DNAJC17: variants seen among roughly 807,000 people sequenced by gnomAD.
DNAJC17 encodes the protein dnaJ homolog subfamily C member 17.
In DNAJC17, 35 loss-of-function variants were observed where a neutral mutation model predicts 48.1. That is an observed-to-expected ratio of 0.73 (90% CI 0.56 to 0.96). DNAJC17 has a LOEUF of 0.96. DNAJC17 is among the 50% of genes least tolerant of loss of function. DNAJC17 has a pLI of 0.00. For synonymous variants in DNAJC17, 117 were observed against 142.7 expected (o/e 0.82, Z 1.28); for missense variants, 355 against 377.1 (o/e 0.94, Z 0.48).
At chr15:40,804,681 C>T (rs1890156088) in intron 1 of DNAJC17, among the ~76,000 whole-genome samples, 1 of 152,190 alleles carries the variant, frequency 6.6e-6, no homozygotes, top group Admixed American at 6.5e-5. Context: ...CTGACTTCCT[C>T]AGGAGTTCTC....
At position 40,807,436 on chromosome 15, in the gene DNAJC17, G is replaced by A; in HGVS notation, c.11C>T (p.Thr4Ile). The part of the protein sequence containing the change: MAV[T>I]KELLQMDLYA... ...CAGGTCCATCTGTAAGAGCTCCTTG[G>A]TCACTGCCATGGTTCCGGCCTGACG... Residue 4 changes from threonine (T) to isoleucine (I), a missense_variant, in exon 1 of 11, where the codon ACC becomes ATC. By Grantham distance (89) the Thr-to-Ile change is moderately conservative. Around this residue, in one of 3 missense-constraint regions of DNAJC17, gnomAD observed 199 missense variants for 199.9 expected, o/e 1.00. Coordinates refer to ENST00000220496, the MANE Select transcript of DNAJC17 (RefSeq NM_018163.3). 3 of 1,614,230 alleles carry A rather than the reference G, an allele frequency of 1.9e-6. No individual in the cohort carries two copies. Among genetic ancestry groups the A allele is most frequent in the Non-Finnish European group, 2.5e-6 (3 of 1,180,030 alleles).
intron 3 of DNAJC17, 116 bp downstream of exon 3, chr15:40,779,429 C>T: frequency 6.4e-7 from 1 of 1,561,390 alleles, no homozygotes; most frequent in Non-Finnish European, 8.8e-7. Context: ...GACTGGGTCT[C>T]CTGGGCTTAG....
intron 8 of DNAJC17, 117 bp downstream of exon 8, chr15:40,774,913 GA>G: frequency 9.0e-5 from 96 of 1,065,922 alleles, no homozygotes; most frequent in Middle Eastern, 2.0e-4. Context: ...CTATGAGACA[GA>G]AAAAAAAAGC....
rs1216681085 is a variant in DNAJC17 at position 40,766,511 on chromosome 15, G to A, written c.*1429C>T. 6.6e-6 allele frequency: 1 copy of A among 152,298 alleles called. No homozygotes were observed. Among genetic ancestry groups the A allele is most frequent in the Admixed American group, 6.5e-5 (1 of 15,286 alleles). The allele number at this position is 152,298 out of a possible 1,614,324, so 9.4% of individuals were successfully genotyped here. A position where few individuals can be genotyped will look rare whatever the true frequency, so the allele number is the denominator to read the frequency against. ...CAGAGTGAGTGCCAGTTCAAATCGGGGAAAGAGGAGGGCTGATCCCAGCCC... is the reference window on the plus strand; with the variant it reads ...CAGAGTGAGTGCCAGTTCAAATCGGAGAAAGAGGAGGGCTGATCCCAGCCC... On this transcript the variant is annotated 3_prime_UTR_variant, in exon 11 of 11. Coordinates refer to ENST00000220496, the MANE Select transcript of DNAJC17 (RefSeq NM_018163.3).
intron 1 of DNAJC17, among the ~76,000 whole-genome samples, chr15:40,789,903 CAAAAAAAAAAAAAAAAA>C (rs71428311): frequency 1.5e-4 from 3 of 20,018 alleles, no homozygotes; most frequent in South Asian, 3.6e-3. Flanking sequence ...CAGACTGTCT[CAAAAAAAAAAAAAAAAA>C]AAAAAAAAAA....
chr15:40,771,299 ATGCCGGGAAAGGGAGGCTG>A (rs71786584), intron 10 of DNAJC17: 13,302 of 489,044 alleles, frequency 0.027, 501 homozygotes, highest in African/African-American at 0.11. Context: ...AAAGCTGGCT[ATGCCGGGAAAGGGAGGCTG>A]TGCCGGGAAA....
intron 2 of DNAJC17, 24 bp downstream of exon 2, chr15:40,779,904 C>G (rs757047104): frequency 1.9e-6 from 3 of 1,611,350 alleles, no homozygotes; most frequent in Non-Finnish European, 1.7e-6. Flanking sequence ...TTTCTTTCTC[C>G]CCACGCCCTG....
intron 1 of DNAJC17, among the ~76,000 whole-genome samples, chr15:40,797,160 G>A (rs71472454): frequency 6.6e-6 from 1 of 152,204 alleles, no homozygotes; most frequent in Middle Eastern, 3.4e-3. Context: ...ACTTCAGGCC[G>A]GGAGTTTGAG....
intron 5 of DNAJC17, 34 bp downstream of exon 5, chr15:40,776,508 G>T: frequency 1.9e-6 from 3 of 1,611,374 alleles, no homozygotes; most frequent in Non-Finnish European, 2.5e-6. Flanking sequence ...TCCTCCTGCA[G>T]GTGGCCTTCT....
In DNAJC17 at chr15:40,767,969, G is replaced by A. The variant is rs146569262; in HGVS notation, c.886C>T (p.Gln296Ter). Residue 296 changes from glutamine to a stop codon, truncating the protein, a stop_gained, in exon 11 of 11, where the codon CAG becomes TAG. Coordinates refer to ENST00000220496, the MANE Select transcript of DNAJC17 (RefSeq NM_018163.3). LOFTEE classifies it high-confidence loss of function. The stretch of plus-strand genomic sequence containing the variant: ...GTAGGCGGCCCCTCCTGGTCTTCCT[G>A]CTGCATCCGTGCGATCAGCTGTTGC... Reference protein sequence around the residue: ...ERQQLIARMQQEDQEGPPT With the variant: ...ERQQLIARMQ 3.7e-6 allele frequency: 6 copies of A among 1,613,000 alleles called. No homozygotes were observed. Among genetic ancestry groups the A allele is most frequent in the Non-Finnish European group, 5.1e-6 (6 of 1,179,698 alleles).
At position 40,807,431 on chromosome 15, in the gene DNAJC17, C is replaced by G. The variant is rs769347740; in HGVS notation, c.16G>C (p.Glu6Gln). MAVTK[E>Q]LLQMDLYALL... ...GCGTACAGGTCCATCTGTAAGAGCT[C>G]CTTGGTCACTGCCATGGTTCCGGCC... is the stretch of plus-strand genomic sequence containing the variant. The change falls in exon 1 of 11, where the codon GAG becomes CAG. Residue 6 changes from glutamate to glutamine, a missense_variant. Glu to Gln is a conservative substitution (Grantham distance 29). Coordinates refer to ENST00000220496, the MANE Select transcript of DNAJC17 (RefSeq NM_018163.3). 4 of 1,614,278 alleles carry G rather than the reference C, an allele frequency of 2.5e-6. No individual in the cohort carries two copies. Among genetic ancestry groups the G allele is most frequent in the Non-Finnish European group, 3.4e-6 (4 of 1,180,052 alleles).
At chr15:40,783,189 T>A (rs1889549241) in intron 1 of DNAJC17, among the ~76,000 whole-genome samples, 1 of 152,224 alleles carries the variant, frequency 6.6e-6, no homozygotes, top group African/African-American at 2.4e-5. Flanking sequence ...GAACATATTT[T>A]ATATTTCAGG....
rs939466563 is a variant in DNAJC17, at chr15:40,770,746, G to A, written c.793-2684C>T. On this transcript the variant is annotated intron_variant, in intron 10 of 10. Transcript: ENST00000220496. The surrounding 1 kb of genome is among the most constrained non-coding windows in gnomAD (Gnocchi z 5.0). ...CTGCTGGCCCCACCCAAGCCCCCAC[G>A]CCTCTACCGAGAGAGCTCAAGCTGC... is the stretch of plus-strand genomic sequence containing the variant. 23 of 1,545,192 alleles carry A rather than the reference G, an allele frequency of 1.5e-5. No homozygotes were observed. The highest frequency in any genetic ancestry group is 6.9e-5 in the African/African-American group (5 of 72,986).
intron 1 of DNAJC17, among the ~76,000 whole-genome samples, chr15:40,806,391 G>T (rs983747243): frequency 2.6e-5 from 4 of 151,600 alleles, no homozygotes; most frequent in Non-Finnish European, 2.9e-5. Flanking sequence ...GCTAATTTTT[G>T]TATTTTTAGT....
chr15:40,804,099 G>A (rs146984968), intron 1 of DNAJC17, among the ~76,000 whole-genome samples: 21 of 151,654 alleles, frequency 1.4e-4, no homozygotes, highest in East Asian at 1.4e-3. Context: ...CCCATGTAGC[G>A]GGGACTACAG....
intron 1 of DNAJC17, among the ~76,000 whole-genome samples, chr15:40,783,612 C>T (rs999512577): frequency 3.3e-5 from 5 of 152,158 alleles, no homozygotes; most frequent in African/African-American, 1.2e-4. Flanking sequence ...ACCTCTAATC[C>T]CATCGCTGTG....
chr15:40,796,912 A>C (rs1407394465), intron 1 of DNAJC17, among the ~76,000 whole-genome samples: 2 of 152,128 alleles, frequency 1.3e-5, no homozygotes, highest in African/African-American at 4.8e-5. Context: ...GGCGTGCGCC[A>C]CCACAATGAG....
intron 4 of DNAJC17, among the ~76,000 whole-genome samples, chr15:40,778,541 G>A (rs941616290): frequency 6.7e-6 from 1 of 149,774 alleles, no homozygotes; most frequent in Non-Finnish European, 1.5e-5. Flanking sequence ...GTGAGCCACC[G>A]CGCCCGGCCA....
rs778956897 is a variant in DNAJC17, at chr15:40,767,984, T to A, written c.871A>T (p.Ile291Phe). 3.1e-6 allele frequency: 5 copies of A among 1,610,188 alleles called. No homozygotes were observed. The highest frequency in any genetic ancestry group is 1.1e-5 in the South Asian group (1 of 90,688). The change falls in exon 11 of 11, where the codon ATC becomes TTC. Residue 291 changes from isoleucine to phenylalanine, a missense_variant. Coordinates refer to ENST00000220496, the MANE Select transcript of DNAJC17 (RefSeq NM_018163.3). Reference sequence around the variant, plus strand: ...TGGTCTTCCTGCTGCATCCGTGCGATCAGCTGTTGCCGCTCGGCCGCCTGG... The same window carrying A: ...TGGTCTTCCTGCTGCATCCGTGCGAACAGCTGTTGCCGCTCGGCCGCCTGG... ...MRQAAERQQL[I>F]ARMQQEDQEG...
Sources: gnomAD v4.1 joint callset for allele counts (sites outside exome capture counted in the v4.1 genomes callset) on GRCh38, gnomAD v4.1.1 for gene constraint, gnomAD v4.1.1 regional missense constraint, Gnocchi (gnomAD v3.1) non-coding constraint, MANE v1.5 for transcripts, NCBI Gene and HGNC (gene_info 2026-07-23, HGNC 2026-07-21) for gene names.